The following CENPI variants were observed in gnomAD, a reference collection of about 807,000 sequenced individuals.
CENPI encodes the protein FSH primary response 1.
In CENPI, 4 loss-of-function variants were observed where a neutral mutation model predicts 60.4. The ratio of observed to expected loss-of-function variants is 0.07; its 90% CI spans 0.03 to 0.15. CENPI has a LOEUF of 0.15. Among genes scored for constraint, CENPI ranks in the 10% least tolerant of loss-of-function variants. The pLI is 1.00. For synonymous variants in CENPI, 157 were observed against 189.4 expected (o/e 0.83, Z 1.40); for missense variants, 444 against 534.5 (o/e 0.83, Z 1.67).
At chrX:101,143,516 G>GA (rs1202332828) in intron 16 of CENPI, among the ~76,000 whole-genome samples, 18 of 109,888 alleles carry the variant, frequency 1.6e-4, no homozygotes, top group Non-Finnish European at 2.9e-4. Context: ...GAATTCAAGT[G>GA]AAAAAAAAAT....
At chrX:101,154,673 AATAAT>A (rs1247963478) in intron 20 of CENPI, among the ~76,000 whole-genome samples, 3 of 112,023 alleles carry the variant, frequency 2.7e-5, no homozygotes, top group Non-Finnish European at 5.6e-5. Flanking sequence ...TTGCCATCTT[AATAAT>A]ATTAAGTCTT....
At chrX:101,158,101 C>G (rs1423214270) in intron 20 of CENPI, among the ~76,000 whole-genome samples, 1 of 111,479 alleles carries the variant, frequency 9.0e-6, no homozygotes, top group East Asian at 2.8e-4. Context: ...ATGTACTCCA[C>G]TTCCATCCAT....
intron 3 of CENPI, 42 bp downstream of exon 3, chrX:101,101,338 A>C: frequency 1.1e-6 from 1 of 928,800 alleles, no homozygotes; most frequent in African/African-American, 2.0e-5. Context: ...CTATTTCTGT[A>C]AAAATATTCT....
chrX:101,120,811 G>A, intron 8 of CENPI, 27 bp downstream of exon 8: 2 of 1,146,822 alleles, frequency 1.7e-6, no homozygotes, highest in Non-Finnish European at 2.4e-6. Context: ...CCTAAGACCT[G>A]CCAATGTACT....
At chrX:101,105,407 G>A (rs949148717) in intron 4 of CENPI, among the ~76,000 whole-genome samples, 3 of 111,037 alleles carry the variant, frequency 2.7e-5, no homozygotes, top group East Asian at 2.8e-4. Flanking sequence ...GCCTGTAGTC[G>A]CAGCTACTTG....
At chrX:101,139,999 T>C (rs906614123) in intron 15 of CENPI, among the ~76,000 whole-genome samples, 8 of 110,496 alleles carry the variant, frequency 7.2e-5, no homozygotes, top group Non-Finnish European at 1.5e-4. Context: ...CACGCCTGGC[T>C]AATTTTTTTT....
chrX:101,157,712 C>T (rs1029473996), intron 20 of CENPI, among the ~76,000 whole-genome samples: 5 of 104,004 alleles, frequency 4.8e-5, no homozygotes, highest in Admixed American at 2.1e-4. Flanking sequence ...ATGGGGTATT[C>T]GCATGATATT....
intron 6 of CENPI, among the ~76,000 whole-genome samples, chrX:101,117,263 C>T (rs914412254): frequency 9.9e-5 from 11 of 111,473 alleles, no homozygotes; most frequent in African/African-American, 2.0e-4. Context: ...TGCGATGGCG[C>T]GATCTTGGCT....
chrX:101,104,446 C>A (rs757013507), intron 4 of CENPI, among the ~76,000 whole-genome samples: 3 of 111,980 alleles, frequency 2.7e-5, no homozygotes, highest in African/African-American at 9.7e-5. Flanking sequence ...AGACTCTAAA[C>A]ACTCTCATTT....
chrX:101,118,889 A>C (rs752688171), intron 6 of CENPI, among the ~76,000 whole-genome samples: 6 of 112,039 alleles, frequency 5.4e-5, no homozygotes, highest in Non-Finnish European at 9.4e-5. Context: ...TTCTTTTAAA[A>C]AAAGATTCCG....
intron 7 of CENPI, 136 bp downstream of exon 7, chrX:101,120,586 G>A: frequency 1.6e-6 from 1 of 614,440 alleles, no homozygotes; most frequent in South Asian, 3.0e-5. Context: ...AGTACTTTAA[G>A]AGCATCTGCT....
At chrX:101,099,029 G>C (rs1253342548) in intron 2 of CENPI, among the ~76,000 whole-genome samples, 2 of 107,848 alleles carry the variant, frequency 1.9e-5, no homozygotes, top group Non-Finnish European at 3.8e-5. Flanking sequence ...TGTTACTACT[G>C]TTTCTTTTCT....
chrX:101,142,735 G>A (rs192577442), intron 16 of CENPI, among the ~76,000 whole-genome samples: 90 of 111,433 alleles, frequency 8.1e-4, no homozygotes, highest in African/African-American at 2.8e-3. Context: ...GCTGTTCTGA[G>A]CAATCGTCTT....
At chrX:101,117,046 AG>A (rs1454684217) in intron 6 of CENPI, among the ~76,000 whole-genome samples, 2 of 111,277 alleles carry the variant, frequency 1.8e-5, no homozygotes, top group African/African-American at 6.5e-5. Context: ...ATTATCCTAT[AG>A]GGTTGTAAGA....
rs747351775 is a variant in CENPI, at chrX:101,165,103, T to C, written c.*2136T>C. Among the ~76,000 whole-genome samples, 6 of 112,059 alleles carry C rather than the reference T, an allele frequency of 5.4e-5. No individual in the cohort carries two copies. The highest frequency in any genetic ancestry group is 1.1e-4 in the Non-Finnish European group (6 of 53,224). ...GGCCAGTAAGGTTACAGCATAGTGATTAAGAGAGAAGAATGGTAAGAAGTG... is the reference window on the plus strand; with the variant it reads ...GGCCAGTAAGGTTACAGCATAGTGACTAAGAGAGAAGAATGGTAAGAAGTG... On this transcript the variant is annotated 3_prime_UTR_variant, in exon 22 of 22. Coordinates refer to ENST00000682095, the MANE Select transcript of CENPI (RefSeq NM_001386188.2).
In CENPI at chrX:101,126,173, A is replaced by G. The variant is rs759921989; in HGVS notation, c.688-536A>G. Among the ~76,000 whole-genome samples the G allele has an allele frequency of 8.9e-5, 10 of 112,504 alleles. 1 individual carries two copies. The highest frequency in any genetic ancestry group is 3.2e-4 in the African/African-American group (10 of 30,996). ...TTTTCTCTGGATAGCCAGATGTATAAAACAGGTATCTAGCAGTAATCACAT... is the reference window on the plus strand; with the variant it reads ...TTTTCTCTGGATAGCCAGATGTATAGAACAGGTATCTAGCAGTAATCACAT... On this transcript the variant is annotated intron_variant, in intron 8 of 21. Transcript: ENST00000682095.
the CENPI span, among the ~76,000 whole-genome samples, chrX:101,171,136 C>T: frequency 1.5e-4 from 17 of 112,108 alleles, no homozygotes; most frequent in Non-Finnish European, 3.2e-4. Flanking sequence ...CAGTGTGATA[C>T]TGGCATAAGG....
intron 15 of CENPI, among the ~76,000 whole-genome samples, chrX:101,140,128 A>T (rs113116033): frequency 8.9e-6 from 1 of 111,762 alleles, no homozygotes; most frequent in Non-Finnish European, 1.9e-5. Flanking sequence ...GAGCCACCGC[A>T]CCCAGCCCAT....
chrX:101,135,662 T>G (rs1490326219), intron 15 of CENPI, among the ~76,000 whole-genome samples: 1 of 112,279 alleles, frequency 8.9e-6, no homozygotes, highest in Non-Finnish European at 1.9e-5. Context: ...TAAACAATCT[T>G]AAGGCAATTT....
Sources: gnomAD v4.1 joint callset for allele counts (sites outside exome capture counted in the v4.1 genomes callset) on GRCh38, gnomAD v4.1.1 for gene constraint, MANE v1.5 for transcripts, NCBI Gene and HGNC (gene_info 2026-07-23, HGNC 2026-07-21) for gene names.